OTOG: variants seen among roughly 807,000 people sequenced by gnomAD.
OTOG encodes the protein otogelin.
OTOG carries 296 observed loss-of-function variants against 313.8 expected under a neutral mutation model. The observed-to-expected ratio is 0.94, with a 90% CI of 0.86 to 1.04. The LOEUF (loss-of-function observed/expected upper bound fraction) is 1.04. Ranked by LOEUF, OTOG falls within the 50% of genes least tolerant of loss-of-function variation. OTOG has a pLI of 0.00. For synonymous variants in OTOG, 1,533 were observed against 1,554.9 expected (o/e 0.99, Z 0.33); for missense variants, 3,948 against 3,840.1 (o/e 1.03, Z -0.74).
chr11:17,574,821 G>A lies in OTOG; in HGVS notation c.2395G>A (p.Gly799Ser). ...ASPEACGVDG[G>S]DDLSRDECVE... ...CCCTGAGGCCTGTGGGGTTGATGGT[G>A]GCGATGACCTGAGCAGAGACGAGTG... The change falls in exon 20 of 56, where the codon GGC becomes AGC. Residue 799 changes from glycine (G) to serine (S), a missense_variant. Gly to Ser is a moderately conservative substitution (Grantham distance 56, BLOSUM62 0). Coordinates refer to ENST00000399397, the MANE Select transcript of OTOG (RefSeq NM_001292063.2). The A allele has an allele frequency of 1.3e-6, 2 of 1,550,454 alleles. No homozygotes were observed. The highest frequency in any genetic ancestry group is 1.7e-6 in the Non-Finnish European group (2 of 1,146,906).
intron 30 of OTOG, among the ~76,000 whole-genome samples, chr11:17,599,120 G>A (rs1352083661): frequency 2.0e-5 from 3 of 152,192 alleles, no homozygotes; most frequent in Admixed American, 1.3e-4. Flanking sequence ...GTGTGGTGCT[G>A]GGGATGACCA....
At position 17,553,204 on chromosome 11, in the gene OTOG, C is replaced by T. The variant is rs1346468274; in HGVS notation, c.378C>T (p.Cys126=). The T allele has an allele frequency of 1.3e-6, 2 of 1,550,260 alleles. No individual in the cohort carries two copies. The highest frequency in any genetic ancestry group is 1.7e-6 in the Non-Finnish European group (2 of 1,146,948). Residue 126 remains cysteine (C), a synonymous_variant, in exon 5 of 56, where the codon TGC becomes TGT. Coordinates refer to ENST00000399397, the MANE Select transcript of OTOG (RefSeq NM_001292063.2). ...GCTTCAATGCCACTGGACCGCGCTG[C>T]CAGATGGGTGGGTCTGGGCTCCACC... The part of the protein sequence containing the change: ...CRRFNATGPR[C]QMVYNAGPER...
chr11:17,605,773 G>C, intron 32 of OTOG, 84 bp from the exon 33 acceptor site: 1 of 1,415,370 alleles, frequency 7.1e-7, no homozygotes, highest in South Asian at 1.5e-5. Flanking sequence ...GAGTCGCTGA[G>C]AGAGCAGATG....
At chr11:17,552,757 G>A (rs541271447) in intron 4 of OTOG, among the ~76,000 whole-genome samples, 5 of 152,350 alleles carry the variant, frequency 3.3e-5, no homozygotes, top group East Asian at 1.9e-4. Context: ...CAGTGAGGAG[G>A]AGCAGCAGCT....
At chr11:17,552,701 T>G (rs2133997569) in intron 4 of OTOG, among the ~76,000 whole-genome samples, 1 of 148,188 alleles carries the variant, frequency 6.7e-6, no homozygotes, top group East Asian at 2.0e-4. Context: ...AGGCCTCTCC[T>G]CCATCGCCTG....
chr11:17,580,607 T>C (rs930156934), intron 23 of OTOG, among the ~76,000 whole-genome samples: 3 of 152,082 alleles, frequency 2.0e-5, no homozygotes, highest in Admixed American at 6.5e-5. Context: ...GAGGGAGTAA[T>C]GGATGGTGGG....
At position 17,641,899 on chromosome 11, in the gene OTOG, G is replaced by C. The variant is rs1318816528; in HGVS notation, c.8243G>C (p.Arg2748Thr). The change falls in exon 52 of 56, where the codon AGG (arginine) becomes ACG (threonine). Residue 2748 changes from arginine (R) to threonine (T), a missense_variant. Transcript: ENST00000399397. ...CTCGCTGCCTGCTGCGGCTCCTGCA[G>C]GAACGTGTCCTGTCTCTTCACCTTC... The part of the protein sequence containing the change: ...RDLAACCGSC[R>T]NVSCLFTFPN... 7.1e-6 allele frequency: 11 copies of C among 1,550,358 alleles called. No individual in the cohort carries two copies. Among genetic ancestry groups the C allele is most frequent in the Non-Finnish European group, 9.6e-6 (11 of 1,146,862 alleles).
At position 17,645,994 on chromosome 11, in the gene OTOG, G is replaced by A. The variant is rs1848069143; in HGVS notation, c.*50G>A. The A allele has an allele frequency of 1.3e-6, 2 of 1,519,394 alleles. No individual in the cohort carries two copies. The highest frequency in any genetic ancestry group is 1.8e-6 in the Non-Finnish European group (2 of 1,127,352). The allele number at this position is 1,519,394 out of a possible 1,614,324, so 94.1% of individuals were successfully genotyped here. A position where few individuals can be genotyped will look rare whatever the true frequency, so the allele number is the denominator to read the frequency against. On this transcript the variant is annotated 3_prime_UTR_variant, in exon 56 of 56. Coordinates refer to ENST00000399397, the MANE Select transcript of OTOG (RefSeq NM_001292063.2). ...ACCACCTCTGCCAGCCCCACTTTCTGTTTCCAGCTGGCCCAATGTGAATGG... is the reference window on the plus strand; with the variant it reads ...ACCACCTCTGCCAGCCCCACTTTCTATTTCCAGCTGGCCCAATGTGAATGG...
chr11:17,633,835 C>T lies in OTOG; in HGVS notation c.7228C>T (p.Arg2410Trp), dbSNP rs772981325. ...CTGCTCCGAGGGCACCATCTTACAC[C>T]GGCGCCACTCTGCACTCTGCATCCC... ...CVCSEGTILH[R>W]RHSALCIPEA... The change falls in exon 43 of 56, where the codon CGG (arginine) becomes TGG (tryptophan). Residue 2410 changes from arginine (R) to tryptophan (W), a missense_variant. Arg to Trp is a moderately radical substitution (Grantham distance 101). Transcript: ENST00000399397. 23 of 1,548,894 alleles carry T rather than the reference C, an allele frequency of 1.5e-5. No homozygotes were observed. In the East Asian group the frequency reaches 2.2e-4, roughly 15 times the overall value.
At chr11:17,616,262 GC>G (rs1853718225) in intron 39 of OTOG, among the ~76,000 whole-genome samples, 2 of 152,054 alleles carry the variant, frequency 1.3e-5, no homozygotes, top group Non-Finnish European at 2.9e-5. Context: ...TCACTATGTT[GC>G]CCAGGCTGGT....
At chr11:17,570,512 A>G in intron 17 of OTOG, 122 bp downstream of exon 17, 1 of 898,012 alleles carries the variant, frequency 1.1e-6, no homozygotes, top group South Asian at 1.8e-5. Flanking sequence ...ATGCACCATT[A>G]GTTATTGATT....
intron 23 of OTOG, among the ~76,000 whole-genome samples, chr11:17,579,997 C>T (rs983682587): frequency 1.2e-4 from 18 of 152,184 alleles, no homozygotes; most frequent in Admixed American, 8.5e-4. Flanking sequence ...CATTTCCTAC[C>T]ATCCTGGAAC....
chr11:17,599,306 C>T (rs1853187664), intron 30 of OTOG, among the ~76,000 whole-genome samples: 1 of 152,136 alleles, frequency 6.6e-6, no homozygotes, highest in Admixed American at 6.5e-5. Context: ...CCTCTGGGGG[C>T]CTTCCGCAAC....
chr11:17,605,926 C>G lies in OTOG; in HGVS notation c.3947C>G (p.Ser1316Cys). The G allele has an allele frequency of 6.4e-7, 1 of 1,550,632 alleles. No homozygotes were observed. The highest frequency in any genetic ancestry group is 8.7e-7 in the Non-Finnish European group (1 of 1,146,996). ...NFFLHVTANG[S>C]LELAKWQGRD... ...TTCCTTCACGTCACAGCCAACGGGT[C>G]TCTGGAGCTGGCTAAGTGGCAGGGC... The change falls in exon 33 of 56, where the codon TCT (serine) becomes TGT (cysteine). Residue 1316 changes from serine to cysteine, a missense_variant. Coordinates refer to ENST00000399397, the MANE Select transcript of OTOG (RefSeq NM_001292063.2).
intron 14 of OTOG, 143 bp from the exon 15 acceptor site, chr11:17,561,519 G>A (rs938822620): frequency 6.7e-5 from 56 of 837,080 alleles, no homozygotes; most frequent in Non-Finnish European, 9.7e-5. Flanking sequence ...CACTGCCCAG[G>A]GCTCTCAGGG....
At position 17,552,075 on chromosome 11, in the gene OTOG, T is replaced by G; in HGVS notation, c.292T>G (p.Tyr98Asp). The G allele has an allele frequency of 6.5e-7, 1 of 1,550,386 alleles. No homozygotes were observed. Among genetic ancestry groups the G allele is most frequent in the South Asian group, 1.2e-5 (1 of 84,066 alleles). ...RLHRAKCAPSYLFSCFNGGEC... is the reference protein window; with the variant it reads ...RLHRAKCAPSDLFSCFNGGEC... ...CCATCGGGCCAAGTGTGCACCATCC[T>G]GTAAGTGGCACCTTCACTGTGGTCC... Residue 98 changes from tyrosine (Y) to aspartate (D), a missense_variant and splice_region_variant, in exon 4 of 56, where the codon TAC becomes GAC. Transcript: ENST00000399397.
intron 32 of OTOG, 88 bp downstream of exon 32, chr11:17,602,465 T>C: frequency 1.4e-6 from 2 of 1,403,154 alleles, no homozygotes; most frequent in Non-Finnish European, 9.5e-7. Context: ...TAAGTATCTG[T>C]AGTGGCCGGA....
chr11:17,645,707 A>T, intron 55 of OTOG, 37 bp from the exon 56 acceptor site: 1 of 1,550,724 alleles, frequency 6.4e-7, no homozygotes, highest in Non-Finnish European at 8.7e-7. Context: ...TGGGGGTGTG[A>T]GCACCACAGA....
chr11:17,612,627 C>T lies in OTOG; in HGVS notation c.6300C>T (p.Cys2100=). Residue 2100 remains cysteine, a synonymous_variant, in exon 38 of 56, where the codon TGC becomes TGT. Coordinates refer to ENST00000399397, the MANE Select transcript of OTOG (RefSeq NM_001292063.2). ...GCCCTGCCCCTCCCCCAGGCCGGTG[C>T]TCAATCTTCCCTGACCTGAGCTTCG... ...CCPLWECACR[C]SIFPDLSFVT... 2 of 1,550,294 alleles carry T rather than the reference C, an allele frequency of 1.3e-6. No homozygotes were observed. The highest frequency in any genetic ancestry group is 1.2e-5 in the South Asian group (1 of 83,984).
Sources: gnomAD v4.1 joint callset for allele counts (sites outside exome capture counted in the v4.1 genomes callset) on GRCh38, gnomAD v4.1.1 for gene constraint, MANE v1.5 for transcripts, NCBI Gene and HGNC (gene_info 2026-07-23, HGNC 2026-07-21) for gene names.